The following CSMD1 variants were observed in gnomAD, a reference collection of about 807,000 sequenced individuals.
CSMD1 encodes CUB and Sushi multiple domains 1, also known as CUB and sushi domain-containing protein 1.
CSMD1 carries 213 observed loss-of-function variants against 417.5 expected under a neutral mutation model. That is an observed-to-expected ratio of 0.51 (90% CI 0.46 to 0.57). The LOEUF (loss-of-function observed/expected upper bound fraction) is 0.57. CSMD1 is among the 20% of genes least tolerant of loss of function. CSMD1 has a pLI of 0.00. For missense variants in CSMD1, 6,923 were observed against 4,529.7 expected (o/e 1.53, Z -15.17); for synonymous variants, 2,862 against 1,736.8 (o/e 1.65, Z -16.11).
rs186655673 is a variant in CSMD1, at chr8:4,426,470, G to A, written c.303-6405C>T. 6.4e-3 allele frequency among the ~76,000 whole-genome samples: 946 copies of A among 147,588 alleles called. 7 individuals carry two copies. Among genetic ancestry groups the A allele is most frequent in the African/African-American group, 0.022 (901 of 40,630 alleles). ...ATATATAGTAAACATACAGACTACA[G>A]TTTATATATATGACATATATAGTAA... On this transcript the variant is annotated intron_variant, in intron 2 of 69. Coordinates refer to ENST00000635120, the MANE Select transcript of CSMD1 (RefSeq NM_033225.6).
At chr8:3,943,531 G>C (rs1450062238) in intron 5 of CSMD1, among the ~76,000 whole-genome samples, 4 of 150,406 alleles carry the variant, frequency 2.7e-5, no homozygotes, top group African/African-American at 2.4e-5. Context: ...TCTGTACAGA[G>C]ATTCAAAGAA....
At chr8:4,910,182 A>T (rs1212557653) in intron 1 of CSMD1, among the ~76,000 whole-genome samples, 2 of 152,212 alleles carry the variant, frequency 1.3e-5, no homozygotes, top group Non-Finnish European at 2.9e-5. Context: ...TTCATTATAC[A>T]CATACACACA....
intron 7 of CSMD1, among the ~76,000 whole-genome samples, chr8:3,689,099 G>C (rs1396570082): frequency 6.6e-6 from 1 of 152,140 alleles, no homozygotes; most frequent in Non-Finnish European, 1.5e-5. Context: ...CATAAAATGA[G>C]AAAAATAACA....
intron 4 of CSMD1, among the ~76,000 whole-genome samples, chr8:4,018,446 G>A (rs935903783): frequency 6.6e-6 from 1 of 152,126 alleles, no homozygotes; most frequent in African/African-American, 2.4e-5. Context: ...GTAGCTGCAG[G>A]TCTGTCAACA....
At chr8:3,781,918 A>C (rs2129063136) in intron 5 of CSMD1, among the ~76,000 whole-genome samples, 1 of 152,242 alleles carries the variant, frequency 6.6e-6, no homozygotes, top group East Asian at 1.9e-4. Context: ...AGACCCATTT[A>C]ATAAGAACTA....
At chr8:2,971,120 T>A (rs570430356) in intron 57 of CSMD1, among the ~76,000 whole-genome samples, 7 of 152,326 alleles carry the variant, frequency 4.6e-5, no homozygotes, top group African/African-American at 1.7e-4. Context: ...CATAATACAA[T>A]TATTAAAAGA....
chr8:3,282,470 A>T (rs1344492473), intron 26 of CSMD1, among the ~76,000 whole-genome samples: 1 of 152,218 alleles, frequency 6.6e-6, no homozygotes, highest in African/African-American at 2.4e-5. Flanking sequence ...TTGTTTTGCT[A>T]AATAAGGCCA....
chr8:4,591,465 C>T (rs1304974855), intron 2 of CSMD1, among the ~76,000 whole-genome samples: 1 of 152,160 alleles, frequency 6.6e-6, no homozygotes, highest in African/African-American at 2.4e-5. Flanking sequence ...AGCAAATGAG[C>T]AGAGCTATCG....
chr8:4,023,117 G>A (rs530919540), intron 4 of CSMD1, among the ~76,000 whole-genome samples: 1 of 152,118 alleles, frequency 6.6e-6, no homozygotes, highest in Non-Finnish European at 1.5e-5. Flanking sequence ...TGGATGTACA[G>A]GAGATGCACT....
intron 12 of CSMD1, among the ~76,000 whole-genome samples, chr8:3,461,852 G>C (rs997258318): frequency 3.9e-5 from 6 of 152,230 alleles, no homozygotes; most frequent in African/African-American, 1.4e-4. Flanking sequence ...ACTGTGAGCA[G>C]AGACCGAGGC....
chr8:4,456,339 C>T (rs1311530224), intron 2 of CSMD1, among the ~76,000 whole-genome samples: 3 of 152,046 alleles, frequency 2.0e-5, no homozygotes, highest in African/African-American at 7.2e-5. Flanking sequence ...AGTCATAGAG[C>T]AGGAACATGT....
intron 1 of CSMD1, among the ~76,000 whole-genome samples, chr8:4,781,206 G>A (rs1160321600): frequency 1.3e-5 from 2 of 152,298 alleles, no homozygotes; most frequent in South Asian, 4.1e-4. Flanking sequence ...AAGGAAAGAA[G>A]CCTGAAGGGC....
chr8:4,091,691 C>T (rs1054661715), intron 3 of CSMD1, among the ~76,000 whole-genome samples: 1 of 152,148 alleles, frequency 6.6e-6, no homozygotes, highest in Non-Finnish European at 1.5e-5. Context: ...TCTGTGAAGA[C>T]TTAGGAAAGC....
chr8:4,547,293 G>C (rs1406256323), intron 2 of CSMD1, among the ~76,000 whole-genome samples: 1 of 152,136 alleles, frequency 6.6e-6, no homozygotes, highest in Non-Finnish European at 1.5e-5. Flanking sequence ...TAAATGTAAA[G>C]GCATTATAAC....
chr8:3,606,621 T>G (rs926343888), intron 8 of CSMD1, among the ~76,000 whole-genome samples: 8 of 152,128 alleles, frequency 5.3e-5, no homozygotes, highest in Non-Finnish European at 7.3e-5. Context: ...TTAGAAACAC[T>G]GTATCCTTGG....
intron 1 of CSMD1, among the ~76,000 whole-genome samples, chr8:4,853,301 G>A (rs1006080507): frequency 2.6e-5 from 4 of 152,286 alleles, no homozygotes; most frequent in Middle Eastern, 3.4e-3. Context: ...TTTTATGGGT[G>A]AGACTCAGGG....
chr8:4,043,844 T>C (rs574829053), intron 3 of CSMD1, among the ~76,000 whole-genome samples: 1 of 152,158 alleles, frequency 6.6e-6, no homozygotes, highest in Non-Finnish European at 1.5e-5. Flanking sequence ...CAATTTCACA[T>C]ACAAAAATGA....
chr8:4,987,782 G>A (rs1283627460), intron 1 of CSMD1, among the ~76,000 whole-genome samples: 2 of 152,148 alleles, frequency 1.3e-5, no homozygotes, highest in Non-Finnish European at 2.9e-5. Context: ...TGTCATCTTG[G>A]CTAAAAGAAA....
At chr8:4,006,200 TG>T (rs1563310141) in intron 4 of CSMD1, among the ~76,000 whole-genome samples, 1 of 152,152 alleles carries the variant, frequency 6.6e-6, no homozygotes, top group Non-Finnish European at 1.5e-5. Context: ...ATGCAGTTGC[TG>T]AGAATTCCGG....
Sources: gnomAD v4.1 joint callset for allele counts (sites outside exome capture counted in the v4.1 genomes callset) on GRCh38, gnomAD v4.1.1 for gene constraint, MANE v1.5 for transcripts, NCBI Gene and HGNC (gene_info 2026-07-23, HGNC 2026-07-21) for gene names.